The following ANAPC5 variants were observed in gnomAD, a reference collection of about 807,000 sequenced individuals.
The protein encoded by ANAPC5 is anaphase-promoting complex subunit 5.
ANAPC5 carries 60 observed loss-of-function variants against 91.3 expected under a neutral mutation model. The observed-to-expected ratio is 0.66, with a 90% CI of 0.53 to 0.81. The LOEUF is 0.81. Among genes scored for constraint, ANAPC5 ranks in the 40% least tolerant of loss-of-function variants. The probability of loss-of-function intolerance (pLI) is 0.00; values close to 1 mark genes in which losing one functional copy is unlikely to be tolerated. For synonymous variants in ANAPC5, 340 were observed against 364.1 expected, an observed-to-expected ratio of 0.93 and a Z score of 0.75; for missense variants, 690 against 931.5, an observed-to-expected ratio of 0.74 and a Z score of 3.37.
chr12:121,343,425 C>T (rs2136812333), intron 4 of ANAPC5, among the ~76,000 whole-genome samples: 1 of 152,142 alleles, frequency 6.6e-6, no homozygotes, highest in Non-Finnish European at 1.5e-5. Flanking sequence ...GGGTATGAGC[C>T]CCATTTTGCA....
At chr12:121,330,503 G>A in intron 9 of ANAPC5, 80 bp downstream of exon 9, 1 of 1,150,970 alleles carries the variant, frequency 8.7e-7, no homozygotes, top group South Asian at 1.4e-5. Flanking sequence ...TCTATCGCTG[G>A]TTAATGACAG....
chr12:121,309,756 C>T lies in ANAPC5; in HGVS notation c.2001G>A (p.Val667=), dbSNP rs1902082502. ...ILDKGRAMFL[V]AKCQVASAAS... is the part of the protein sequence containing the mutation. ...CTGCTGAAGCCACCTGGCACTTGGC[C>T]ACTAAGAACATGGCACGACCTTTGT... The change falls in exon 16 of 17, where the codon GTG becomes GTA. Residue 667 remains valine, a synonymous_variant. Transcript: ENST00000261819. 2 of 1,614,026 alleles carry T rather than the reference C, an allele frequency of 1.2e-6. No individual in the cohort carries two copies. The highest frequency in any genetic ancestry group is 1.7e-5 in the Admixed American group (1 of 59,988).
At chr12:121,346,538 A>G (rs1395175451) in intron 3 of ANAPC5, 1 of 192,558 alleles carries the variant, frequency 5.2e-6, no homozygotes, top group Non-Finnish European at 1.0e-5. Context: ...CACTTTGCAT[A>G]CTATATCAAT....
chr12:121,312,693 C>T (rs1243410840), intron 15 of ANAPC5, among the ~76,000 whole-genome samples: 4 of 122,958 alleles, frequency 3.3e-5, no homozygotes, highest in South Asian at 5.1e-4. Context: ...GGCGACAGAG[C>T]GAGACTCTGT....
intron 16 of ANAPC5, 41 bp from the exon 17 acceptor site, chr12:121,308,732 C>A: frequency 6.7e-7 from 1 of 1,496,180 alleles, no homozygotes; most frequent in Non-Finnish European, 9.3e-7. Flanking sequence ...TTAACTCAAC[C>A]CTTCACGTAT....
Position 121,315,106 on chromosome 12 carries a change from G to C in ANAPC5, c.1893+3171C>G, listed in dbSNP as rs143243261. Among the ~76,000 whole-genome samples, 46 of 151,848 alleles carry C rather than the reference G, an allele frequency of 3.0e-4. No individual in the cohort carries two copies. In the East Asian group the frequency reaches 8.1e-3, roughly 27 times the overall value. On this transcript the variant is annotated intron_variant, in intron 15 of 16. Transcript: ENST00000261819. The stretch of plus-strand genomic sequence containing the variant: ...AAAAAAATCCCCAAAACCTGTTACA[G>C]GTAATAAGTTTGGCAAAGTTGCAGG...
Position 121,335,532 on chromosome 12 carries a change from C to T in ANAPC5, c.950+1G>A. 3 of 1,598,358 alleles carry T rather than the reference C, an allele frequency of 1.9e-6. No homozygotes were observed. The highest frequency in any genetic ancestry group is 2.6e-6 in the Non-Finnish European group (3 of 1,169,134). On this transcript the variant is annotated splice_donor_variant, in intron 7 of 16. Coordinates refer to ENST00000261819, the MANE Select transcript of ANAPC5 (RefSeq NM_016237.5). LOFTEE classifies it high-confidence loss of function. The stretch of plus-strand genomic sequence containing the variant: ...GCAAGGACAAAGGTCTATAAACTTA[C>T]TAGTGACCGAAGCGGCAGTGCAGGG...
chr12:121,325,494 A>AAAAT (rs1902776022), intron 11 of ANAPC5, among the ~76,000 whole-genome samples: 2 of 5,436 alleles, frequency 3.7e-4, no homozygotes, highest in Admixed American at 6.7e-3. Context: ...AAATAAATTA[A>AAAAT]AAATTAAAAA....
In ANAPC5 at chr12:121,319,811, A is replaced by G; in HGVS notation, c.1523T>C (p.Met508Thr). 22 of 1,598,496 alleles carry G rather than the reference A, an allele frequency of 1.4e-5. No individual in the cohort carries two copies. Among genetic ancestry groups the G allele is most frequent in the Non-Finnish European group, 1.8e-5 (21 of 1,173,860 alleles). ...PPNSQHAQLW[M>T]LCDQKIQFDR... ...AAACTGTATTTTTTGATCACATAGC[A>G]TCCATAACTAGTAAGAAAAAAAAAC... Residue 508 changes from methionine (M) to threonine (T), a missense_variant, in exon 13 of 17, where the codon ATG becomes ACG. Coordinates refer to ENST00000261819, the MANE Select transcript of ANAPC5 (RefSeq NM_016237.5).
intron 6 of ANAPC5, among the ~76,000 whole-genome samples, 160 bp from the exon 7 acceptor site, chr12:121,335,883 A>G (rs1903217322): frequency 6.6e-6 from 1 of 152,226 alleles, no homozygotes; most frequent in Non-Finnish European, 1.5e-5. Context: ...GCAGAATAAA[A>G]CAGCTTCAAG....
rs545280262 is a variant in ANAPC5, at chr12:121,313,411, G to A, written c.1894-3548C>T. Reference sequence around the variant, plus strand: ...AACCAAGGAAAAAATAAGGATTAAAGTGGAGATAAACAAAATGGAGACTAA... The same window carrying A: ...AACCAAGGAAAAAATAAGGATTAAAATGGAGATAAACAAAATGGAGACTAA... On this transcript the variant is annotated intron_variant, in intron 15 of 16. Coordinates refer to ENST00000261819, the MANE Select transcript of ANAPC5 (RefSeq NM_016237.5). Among the ~76,000 whole-genome samples the A allele has an allele frequency of 7.2e-4, 109 of 152,236 alleles. 1 individual carries two copies. Among genetic ancestry groups the A allele is most frequent in the Admixed American group, 1.7e-3 (26 of 15,288 alleles).
At chr12:121,340,054 C>A (rs537838667) in intron 5 of ANAPC5, among the ~76,000 whole-genome samples, 1 of 151,490 alleles carries the variant, frequency 6.6e-6, no homozygotes, top group South Asian at 2.1e-4. Context: ...CAGTGGCTCA[C>A]GCCTGTAATC....
At chr12:121,341,245 G>A (rs1903446806) in intron 5 of ANAPC5, among the ~76,000 whole-genome samples, 1 of 152,150 alleles carries the variant, frequency 6.6e-6, no homozygotes, top group Non-Finnish European at 1.5e-5. Context: ...CAAGGCAGGT[G>A]GATCACCTTA....
chr12:121,318,495 C>T lies in ANAPC5; in HGVS notation c.1745+6G>A, dbSNP rs200789659. 1.1e-5 allele frequency: 17 copies of T among 1,614,030 alleles called. No homozygotes were observed. In the East Asian group the frequency reaches 3.3e-4, roughly 32 times the overall value. On this transcript the variant is annotated splice_donor_region_variant and intron_variant, in intron 14 of 16. Coordinates refer to ENST00000261819, the MANE Select transcript of ANAPC5 (RefSeq NM_016237.5). ...ATCTCCGTGAGATGTACAAGAGACC[C>T]CTTACCTGATCACCATTTCTGTGTT...
intron 11 of ANAPC5, among the ~76,000 whole-genome samples, chr12:121,325,641 C>T (rs782567342): frequency 1.3e-5 from 2 of 151,710 alleles, no homozygotes; most frequent in Non-Finnish European, 2.9e-5. Flanking sequence ...CTGAGGCAGG[C>T]GGATCACCTG....
chr12:121,328,787 CCAGT>C, intron 9 of ANAPC5: 2 of 282,788 alleles, frequency 7.1e-6, no homozygotes, highest in South Asian at 6.5e-5. Flanking sequence ...TGACTTAGGG[CCAGT>C]CACTTAGCTT....
chr12:121,314,348 T>C (rs1462117928), intron 15 of ANAPC5, among the ~76,000 whole-genome samples: 1 of 152,058 alleles, frequency 6.6e-6, no homozygotes, highest in East Asian at 1.9e-4. Flanking sequence ...GAGACAGAAG[T>C]TGCAGTGAGC....
intron 9 of ANAPC5, 155 bp from the exon 10 acceptor site, chr12:121,328,652 C>G (rs2136783702): frequency 1.7e-5 from 11 of 644,968 alleles, no homozygotes; most frequent in Non-Finnish European, 5.2e-6. Context: ...TAACCCTGAG[C>G]CATACGAGAT....
At chr12:121,329,359 G>A (rs1193922640) in intron 9 of ANAPC5, among the ~76,000 whole-genome samples, 4 of 151,906 alleles carry the variant, frequency 2.6e-5, no homozygotes, top group Admixed American at 6.6e-5. Flanking sequence ...TTACCATAAC[G>A]GTCAGGCTGG....
Sources: allele counts gnomAD v4.1 joint callset (sites outside exome capture counted in the v4.1 genomes callset), GRCh38; gene constraint gnomAD v4.1.1; transcripts MANE v1.5; gene names NCBI Gene and HGNC (gene_info 2026-07-23, HGNC 2026-07-21).